Variants in B4GALT7 observed in about 807,000 individuals in gnomAD.
B4GALT7 encodes UDP-Gal:beta-GlcNAc beta-1,4-galactosyltransferase 7.
In B4GALT7, 30 loss-of-function variants were observed where a neutral mutation model predicts 33.0. The ratio of observed to expected loss-of-function variants is 0.91; its 90% confidence interval spans 0.68 to 1.23. The LOEUF (loss-of-function observed/expected upper bound fraction) is 1.23. Among genes scored for constraint, B4GALT7 ranks in the 50% most tolerant of loss-of-function variants. B4GALT7 has a pLI of 0.00. For missense variants in B4GALT7, 507 were observed against 450.8 expected (o/e 1.12, Z -1.13); for synonymous variants, 213 against 187.2 (o/e 1.14, Z -1.13).
chr5:177,602,403 C>T (rs1180695120), intron 1 of B4GALT7, among the ~76,000 whole-genome samples: 7 of 152,230 alleles, frequency 4.6e-5, no homozygotes, highest in Non-Finnish European at 8.8e-5. Flanking sequence ...GCTGTCTGGC[C>T]TGTGCTTGCT....
chr5:177,608,467 C>T lies in B4GALT7; in HGVS notation c.640-72C>T, dbSNP rs1022115971. ...AGGCGCTGGGGGAGAGGGGCACTCCCGAGCGGTAGGAGACCAAAGGCCCCC... is the reference window on the plus strand; with the variant it reads ...AGGCGCTGGGGGAGAGGGGCACTCCTGAGCGGTAGGAGACCAAAGGCCCCC... On this transcript the variant is annotated intron_variant, in intron 3 of 5. Transcript: ENST00000029410. The surrounding 1 kb of genome is among the most constrained non-coding windows in gnomAD (Gnocchi z 4.1). The T allele has an allele frequency of 3.3e-5, 46 of 1,409,348 alleles. No individual in the cohort carries two copies. Among genetic ancestry groups the T allele is most frequent in the African/African-American group, 8.6e-5 (6 of 69,860 alleles). The allele number at this position is 1,409,348 out of a possible 1,614,324, so 87.3% of individuals were successfully genotyped here.
In B4GALT7 at chr5:177,608,888, C is replaced by T. The variant is rs549126293; in HGVS notation, c.724-22C>T. 49 of 1,605,126 alleles carry T rather than the reference C, an allele frequency of 3.1e-5. 1 individual carries two copies. In the South Asian group the frequency reaches 3.3e-4, roughly 11 times the overall value. On this transcript the variant is annotated intron_variant, in intron 4 of 5. Transcript: ENST00000029410. This position sits in a 1 kb window ranked among gnomAD's most constrained non-coding sequence, Gnocchi z 4.1. Reference sequence around the variant, plus strand: ...GGCTCCAGGAAGGGCAGCCTGACCCCGACTTCCTTGGACCTCCCTAGCTTT... The same window carrying T: ...GGCTCCAGGAAGGGCAGCCTGACCCTGACTTCCTTGGACCTCCCTAGCTTT...
At position 177,600,407 on chromosome 5, in the gene B4GALT7, C is replaced by A; in HGVS notation, c.50+147C>A. On this transcript the variant is annotated intron_variant, in intron 1 of 5. Coordinates refer to ENST00000029410, the MANE Select transcript of B4GALT7 (RefSeq NM_007255.3). This position sits in a 1 kb window ranked among gnomAD's most constrained non-coding sequence, Gnocchi z 4.4. ...TGTGGTTCTCCCTGTGGGTCCCTGG[C>A]GCTCTGTTCCGGTTTCTGTCTGTCC... The A allele has an allele frequency of 3.5e-6, 2 of 579,684 alleles. No individual in the cohort carries two copies. Among genetic ancestry groups the A allele is most frequent in the Non-Finnish European group, 5.1e-6 (2 of 395,372 alleles). The allele number at this position is 579,684 out of a possible 1,614,324, so 35.9% of individuals were successfully genotyped here.
At chr5:177,609,495 C>G in intron 5 of B4GALT7, 45 bp from the exon 6 acceptor site, 1 of 1,610,714 alleles carries the variant, frequency 6.2e-7, no homozygotes, top group African/African-American at 1.3e-5. Flanking sequence ...GTAGCTGGCA[C>G]CCATGCAGCC....
chr5:177,600,659 C>G lies in B4GALT7; in HGVS notation c.50+399C>G, dbSNP rs1767821493. On this transcript the variant is annotated intron_variant, in intron 1 of 5. Coordinates refer to ENST00000029410, the MANE Select transcript of B4GALT7 (RefSeq NM_007255.3). This position sits in a 1 kb window ranked among gnomAD's most constrained non-coding sequence, Gnocchi z 4.4. ...GTCTCTGACTCCGCTGACCTCTCACCATGGATTTGTGTTTCTCAATTTGTC... is the reference window on the plus strand; with the variant it reads ...GTCTCTGACTCCGCTGACCTCTCACGATGGATTTGTGTTTCTCAATTTGTC... Among the ~76,000 whole-genome samples the G allele has an allele frequency of 6.6e-6, 1 of 152,178 alleles. No homozygotes were observed. Among genetic ancestry groups the G allele is most frequent in the African/African-American group, 2.4e-5 (1 of 41,440 alleles).
At position 177,607,398 on chromosome 5, in the gene B4GALT7, C is replaced by T. The variant is rs1363459961; in HGVS notation, c.510C>T (p.Asn170=). The T allele has an allele frequency of 1.4e-5, 23 of 1,613,976 alleles. No homozygotes were observed. Among genetic ancestry groups the T allele is most frequent in the African/African-American group, 6.7e-5 (5 of 74,948 alleles). The change falls in exon 3 of 6, where the codon AAC becomes AAT. Residue 170 remains asparagine, a synonymous_variant. Coordinates refer to ENST00000029410, the MANE Select transcript of B4GALT7 (RefSeq NM_007255.3). ...AMHDVDLLPL[N]EELDYGFPEA... The stretch of plus-strand genomic sequence containing the variant: ...ACGACGTTGACCTGCTCCCTCTCAA[C>T]GAGGAGCTGGACTATGGCTTTCCTG...
Position 177,608,834 on chromosome 5 carries a change from G to A in B4GALT7, c.724-76G>A. ...CTGGGAGTGCAGGTCCCTTCCTGTGGGACCTCGGGAGCTGGTGGTGAGGGC... is the reference window on the plus strand; with the variant it reads ...CTGGGAGTGCAGGTCCCTTCCTGTGAGACCTCGGGAGCTGGTGGTGAGGGC... On this transcript the variant is annotated intron_variant, in intron 4 of 5. Coordinates refer to ENST00000029410, the MANE Select transcript of B4GALT7 (RefSeq NM_007255.3). The surrounding 1 kb of genome is among the most constrained non-coding windows in gnomAD (Gnocchi z 4.1). 7.4e-7 allele frequency: 1 copy of A among 1,355,958 alleles called. No homozygotes were observed. The highest frequency in any genetic ancestry group is 1.8e-4 in the Middle Eastern group (1 of 5,622). 84.0% of individuals were successfully genotyped at this position (1,355,958 alleles called of 1,614,324 possible).
At chr5:177,607,960 T>G (rs965942107) in intron 3 of B4GALT7, 9 of 285,910 alleles carry the variant, frequency 3.1e-5, no homozygotes, top group African/African-American at 2.0e-4. Context: ...CAGGCAGGAG[T>G]CCCGCAGTGA....
intron 2 of B4GALT7, chr5:177,605,130 C>G (rs570694680): frequency 7.1e-6 from 3 of 419,886 alleles, no homozygotes; most frequent in Admixed American, 2.7e-5. Context: ...ATCCCCAGAC[C>G]CCCCCCTTTT....
In B4GALT7 at chr5:177,607,525, CTGG is replaced by C; in HGVS notation, c.639+1_639+3del. 1 of 1,610,776 alleles carries C rather than the reference CTGG, an allele frequency of 6.2e-7. No individual in the cohort carries two copies. Among genetic ancestry groups the C allele is most frequent in the East Asian group, 2.2e-5 (1 of 44,886 alleles). ...GCTGCTCTCCAAGCAGCACTACCGGCTGGTGAGGCCCGGACAGCCTGCTCTGCT... is the reference window on the plus strand; with the variant it reads ...GCTGCTCTCCAAGCAGCACTACCGGCTGAGGCCCGGACAGCCTGCTCTGCT... On this transcript the variant is annotated splice_donor_variant and coding_sequence_variant, in exon 3 of 6. Transcript: ENST00000029410. LOFTEE classifies it high-confidence loss of function.
In B4GALT7 at chr5:177,608,984, G is replaced by C; in HGVS notation, c.798G>C (p.Arg266Ser). 6.2e-7 allele frequency: 1 copy of C among 1,612,950 alleles called. No homozygotes were observed. The highest frequency in any genetic ancestry group is 8.5e-7 in the Non-Finnish European group (1 of 1,179,998). Residue 266 changes from arginine to serine, a missense_variant, in exon 5 of 6, where the codon AGG (arginine) becomes AGC (serine). Transcript: ENST00000029410. The surrounding 1 kb of genome is among the most constrained non-coding windows in gnomAD (Gnocchi z 4.1). ...TGCATGACCCAGCCTGGCGGAAGAG[G>C]GACCAGAAGCGCATCGCAGCTCAAA... ...RHLHDPAWRKRDQKRIAAQKQ... is the reference protein window; with the variant it reads ...RHLHDPAWRKSDQKRIAAQKQ...
chr5:177,607,569 C>A, intron 3 of B4GALT7, 42 bp downstream of exon 3: 1 of 1,568,940 alleles, frequency 6.4e-7, no homozygotes, highest in Non-Finnish European at 8.7e-7. Context: ...CCGGGAGCTC[C>A]CTCCAGGCTG....
Position 177,608,993 on chromosome 5 carries a change from G to A in B4GALT7, c.807G>A (p.Lys269=). 6.2e-7 allele frequency: 1 copy of A among 1,612,312 alleles called. No individual in the cohort carries two copies. Among genetic ancestry groups the A allele is most frequent in the Non-Finnish European group, 8.5e-7 (1 of 1,179,958 alleles). The part of the protein sequence containing the change: ...HDPAWRKRDQ[K]RIAAQKQEQF... ...CAGCCTGGCGGAAGAGGGACCAGAA[G>A]CGCATCGCAGCTCAAAAACAGGTGC... The change falls in exon 5 of 6, where the codon AAG becomes AAA. Residue 269 remains lysine (K), a synonymous_variant. Coordinates refer to ENST00000029410, the MANE Select transcript of B4GALT7 (RefSeq NM_007255.3). The surrounding 1 kb of genome is among the most constrained non-coding windows in gnomAD (Gnocchi z 4.1).
chr5:177,608,586 C>T lies in B4GALT7; in HGVS notation c.687C>T (p.Asp229=), dbSNP rs756942664. 9.9e-5 allele frequency: 160 copies of T among 1,613,938 alleles called. No homozygotes were observed. Among genetic ancestry groups the T allele is most frequent in the Non-Finnish European group, 1.2e-4 (137 of 1,180,018 alleles). Residue 229 remains aspartate (D), a synonymous_variant, in exon 4 of 6, where the codon GAC becomes GAT. Coordinates refer to ENST00000029410, the MANE Select transcript of B4GALT7 (RefSeq NM_007255.3). This position sits in a 1 kb window ranked among gnomAD's most constrained non-coding sequence, Gnocchi z 4.1. ...TCTGGGGCTGGGGCCGCGAGGACGA[C>T]GAGTTCTACCGGCGCATTAAGGGAG... is the stretch of plus-strand genomic sequence containing the variant. ...NRFWGWGRED[D]EFYRRIKGAG... is the part of the protein sequence containing the mutation.
chr5:177,608,493 C>CCG lies in B4GALT7; in HGVS notation c.640-45_640-44insGC, dbSNP rs753149446. ...GAGCGGTAGGAGACCAAAGGCCCCCCCCCCCGGGAAGATGGGCCGAGTGAC... is the reference window on the plus strand; with the variant it reads ...GAGCGGTAGGAGACCAAAGGCCCCCCCGCCCCCGGGAAGATGGGCCGAGTGAC... On this transcript the variant is annotated intron_variant, in intron 3 of 5. Coordinates refer to ENST00000029410, the MANE Select transcript of B4GALT7 (RefSeq NM_007255.3). This position sits in a 1 kb window ranked among gnomAD's most constrained non-coding sequence, Gnocchi z 4.1. 6 of 1,561,628 alleles carry CCG rather than the reference C, an allele frequency of 3.8e-6. No homozygotes were observed. The African/African-American group carries it at 8.2e-5, about 21-fold the overall frequency.
At position 177,609,871 on chromosome 5, in the gene B4GALT7, G is replaced by T; in HGVS notation, c.*176G>T. 2 of 779,488 alleles carry T rather than the reference G, an allele frequency of 2.6e-6. No homozygotes were observed. Among genetic ancestry groups the T allele is most frequent in the Non-Finnish European group, 2.1e-6 (1 of 481,084 alleles). 48.3% of individuals were successfully genotyped at this position (779,488 alleles called of 1,614,324 possible). Reference sequence around the variant, plus strand: ...GCAGGCTTGGGCTGGGCCAGGACACGTGGGGTGCCTGGGACGCTGCTTGCC... The same window carrying T: ...GCAGGCTTGGGCTGGGCCAGGACACTTGGGGTGCCTGGGACGCTGCTTGCC... On this transcript the variant is annotated 3_prime_UTR_variant, in exon 6 of 6. Transcript: ENST00000029410.
intron 2 of B4GALT7, 102 bp downstream of exon 2, chr5:177,604,643 G>A: frequency 1.3e-6 from 2 of 1,489,498 alleles, no homozygotes; most frequent in Non-Finnish European, 1.8e-6. Context: ...AGGGCGGGAG[G>A]TGGCAGACCC....
Position 177,600,150 on chromosome 5 carries a change from C to G in B4GALT7, c.-61C>G. On this transcript the variant is annotated 5_prime_UTR_variant, in exon 1 of 6. Transcript: ENST00000029410. The surrounding 1 kb of genome is among the most constrained non-coding windows in gnomAD (Gnocchi z 4.4). Reference sequence around the variant, plus strand: ...GGGAGGCGGAGGCGCCGCGTAGGCCCGGGAGGCCGGGCCGGCCGGGCTGCG... The same window carrying G: ...GGGAGGCGGAGGCGCCGCGTAGGCCGGGGAGGCCGGGCCGGCCGGGCTGCG... The G allele has an allele frequency of 1.7e-6, 2 of 1,192,320 alleles. No individual in the cohort carries two copies. The highest frequency in any genetic ancestry group is 9.0e-5 in the Admixed American group (2 of 22,318). 73.9% of individuals were successfully genotyped at this position (1,192,320 alleles called of 1,614,324 possible). A position where few individuals can be genotyped will look rare whatever the true frequency, so the allele number is the denominator to read the frequency against.
chr5:177,603,580 T>C (rs144300022), intron 1 of B4GALT7, among the ~76,000 whole-genome samples: 20 of 152,266 alleles, frequency 1.3e-4, no homozygotes, highest in Non-Finnish European at 2.4e-4. Context: ...CACTGACAGT[T>C]TGGGCCTTGC....
Sources: gnomAD v4.1 joint callset for allele counts (sites outside exome capture counted in the v4.1 genomes callset) on GRCh38, gnomAD v4.1.1 for gene constraint, Gnocchi (gnomAD v3.1) non-coding constraint, MANE v1.5 for transcripts, NCBI Gene and HGNC (gene_info 2026-07-23, HGNC 2026-07-21) for gene names.